Variants in TTC6 observed in about 807,000 individuals in gnomAD.
TTC6 encodes the protein tetratricopeptide repeat protein 6.
TTC6 carries 172 observed loss-of-function variants against 210.4 expected under a neutral mutation model. The ratio of observed to expected loss-of-function variants is 0.82; its 90% CI spans 0.72 to 0.93. The LOEUF (loss-of-function observed/expected upper bound fraction) is 0.93. Among genes scored for constraint, TTC6 ranks in the 40% least tolerant of loss-of-function variants. The pLI, the probability that TTC6 is intolerant of heterozygous loss-of-function variation, is 0.00. For missense variants in TTC6, 2,414 were observed against 2,318.1 expected (o/e 1.04, Z -0.85); for synonymous variants, 804 against 819.6 (o/e 0.98, Z 0.32).
chr14:37,606,732 A>G lies in TTC6; in HGVS notation c.-165A>G, dbSNP rs1029925079. On this transcript the variant is annotated 5_prime_UTR_variant, in exon 2 of 3. It removes an upstream start codon present in the reference 5' UTR. Transcript: ENST00000556845. ...GTGATGAGGAGAGGAACAAGGATTC[A>G]TGGAAGTGAGGTATGATGTCTTCAG... The G allele has an allele frequency of 1.2e-4, 119 of 985,100 alleles. No individual in the cohort carries two copies. The highest frequency in any genetic ancestry group is 1.4e-4 in the Non-Finnish European group (117 of 829,902). The allele number at this position is 985,100 out of a possible 1,614,324, so 61.0% of individuals were successfully genotyped here.
In TTC6 at chr14:37,821,772, C is replaced by CTTTTTTT. The variant is rs35078384; in HGVS notation, c.4764-1956_4764-1950dup. ...GAGAATGTCTCAGCTAAGAGCTAGT[C>CTTTTTTT]TTTTTTTTTTTTTTTTTTTTTTTTT... On this transcript the variant is annotated intron_variant, in intron 26 of 30. Transcript: ENST00000553443. Among the ~76,000 whole-genome samples the CTTTTTTT allele has an allele frequency of 1.3e-3, 91 of 69,148 alleles. 1 individual carries two copies. The highest frequency in any genetic ancestry group is 2.5e-3 in the African/African-American group (37 of 15,052). 45.4% of individuals were successfully genotyped at this position (69,148 alleles called of 152,430 possible).
At chr14:37,842,047 C>T in intron 30 of TTC6, 108 bp from the exon 33 acceptor site, 3 of 938,664 alleles carry the variant, frequency 3.2e-6, no homozygotes, top group Non-Finnish European at 4.5e-6. Flanking sequence ...TTGATTTCAT[C>T]CATTGAGTTA....
intron 1 of TTC6, among the ~76,000 whole-genome samples, chr14:37,642,280 G>A (rs1488351869): frequency 6.6e-6 from 1 of 152,192 alleles, no homozygotes; most frequent in Non-Finnish European, 1.5e-5. Context: ...GGTAGGAGCG[G>A]TGGGTGTGGA....
In TTC6 at chr14:37,714,764, C is replaced by T. The variant is rs141123588; in HGVS notation, c.1681C>T (p.His561Tyr). 13 of 1,535,494 alleles carry T rather than the reference C, an allele frequency of 8.5e-6. No homozygotes were observed. The African/African-American group carries it at 1.6e-4, about 19-fold the overall frequency. The change falls in exon 6 of 31, where the codon CAC becomes TAC. Residue 561 changes from histidine (H) to tyrosine (Y), a missense_variant. Physicochemically the swap from His to Tyr is moderately conservative, Grantham distance 83 (BLOSUM62 2). Transcript: ENST00000553443. ...GGCACAAGGAACTAGAGAGCGTGCT[C>T]ACAAACCACACTTGGAAGTCTTGGG...
In TTC6 at chr14:37,773,576, G is replaced by T. The variant is rs185801186; in HGVS notation, c.3267-13892G>T. ...AACATCAGATGGTTGTAGGTGTGTG[G>T]TATTATTTCTGGGCTTTTTATTCTG... is the stretch of plus-strand genomic sequence containing the variant. On this transcript the variant is annotated intron_variant, in intron 14 of 30. Coordinates refer to ENST00000553443, the Ensembl canonical transcript of TTC6. Among the ~76,000 whole-genome samples, 51 of 152,202 alleles carry T rather than the reference G, an allele frequency of 3.4e-4. 1 individual carries two copies. In the East Asian group the frequency reaches 7.5e-3, roughly 22 times the overall value.
chr14:37,601,293 A>AT (rs578202810), intron 1 of TTC6, among the ~76,000 whole-genome samples: 15 of 151,824 alleles, frequency 9.9e-5, no homozygotes, highest in East Asian at 9.7e-4. Context: ...TTTATTTTTC[A>AT]TTTTTTTTCT....
chr14:37,746,293 T>A (rs893738315), intron 10 of TTC6, among the ~76,000 whole-genome samples: 1 of 152,192 alleles, frequency 6.6e-6, no homozygotes. Context: ...CCCTCACTTA[T>A]GCATTCTCTG....
At chr14:37,791,742 CATG>C (rs1475285435) in intron 16 of TTC6, among the ~76,000 whole-genome samples, 2 of 152,094 alleles carry the variant, frequency 1.3e-5, no homozygotes, top group South Asian at 2.1e-4. Flanking sequence ...AGGCATCAAA[CATG>C]ATAATTTCTA....
At chr14:37,763,167 C>T (rs1238898301) in intron 14 of TTC6, among the ~76,000 whole-genome samples, 7 of 152,016 alleles carry the variant, frequency 4.6e-5, no homozygotes, top group Non-Finnish European at 7.4e-5. Context: ...GGATTACAGA[C>T]GTGAGCCACT....
intron 3 of TTC6, 143 bp from the exon 6 acceptor site, chr14:37,696,574 T>C (rs2095815240): frequency 5.0e-6 from 2 of 397,006 alleles, no homozygotes. Flanking sequence ...TAGAGGAAAC[T>C]ATCAATTTAC....
chr14:37,704,887 A>C (rs1382739255), intron 5 of TTC6, among the ~76,000 whole-genome samples: 3 of 152,158 alleles, frequency 2.0e-5, no homozygotes, highest in African/African-American at 7.2e-5. Flanking sequence ...GATAAGAAGA[A>C]CATATTTTAA....
At chr14:37,761,430 C>G (rs946553545) in intron 14 of TTC6, among the ~76,000 whole-genome samples, 2 of 152,016 alleles carry the variant, frequency 1.3e-5, no homozygotes, top group Non-Finnish European at 2.9e-5. Flanking sequence ...CAGACCAGAA[C>G]TCTTCCTATG....
At chr14:37,786,723 G>A (rs1260189052) in intron 14 of TTC6, among the ~76,000 whole-genome samples, 3 of 152,222 alleles carry the variant, frequency 2.0e-5, no homozygotes, top group South Asian at 2.1e-4. Flanking sequence ...TCGCTCACGC[G>A]GGGAGCTGTA....
rs1374502091 is a variant in TTC6 at position 37,629,033 on chromosome 14, G to A, written c.939+6030G>A. Among the ~76,000 whole-genome samples, 3 of 152,276 alleles carry A rather than the reference G, an allele frequency of 2.0e-5. No homozygotes were observed. The South Asian group carries it at 6.2e-4, about 32-fold the overall frequency. On this transcript the variant is annotated intron_variant, in intron 1 of 30. Transcript: ENST00000553443. Reference sequence around the variant, plus strand: ...GCTGTGTAGTATAGTTTGAAGTCAGGTAGCATGATGCCTCCAGCTTTATTC... The same window carrying A: ...GCTGTGTAGTATAGTTTGAAGTCAGATAGCATGATGCCTCCAGCTTTATTC...
chr14:37,672,821 A>ATTTTTTTTTTTTTT (rs377117749), intron 1 of TTC6, among the ~76,000 whole-genome samples: 15 of 128,990 alleles, frequency 1.2e-4, no homozygotes, highest in African/African-American at 4.6e-4. Context: ...TGAATTCCTC[A>ATTTTTTTTTTTTTT]TTTTTTTTTT....
chr14:37,797,297 C>T (rs1343116828), intron 20 of TTC6, among the ~76,000 whole-genome samples: 1 of 151,982 alleles, frequency 6.6e-6, no homozygotes, highest in East Asian at 1.9e-4. Flanking sequence ...TAGGTGTATT[C>T]CTGTTCCTGT....
At chr14:37,806,783 T>G (rs923546618) in intron 22 of TTC6, among the ~76,000 whole-genome samples, 6 of 152,224 alleles carry the variant, frequency 3.9e-5, no homozygotes, top group Non-Finnish European at 8.8e-5. Context: ...TATATACTCA[T>G]TAATTTTACT....
intron 14 of TTC6, among the ~76,000 whole-genome samples, chr14:37,779,544 T>A (rs1214082870): frequency 6.6e-6 from 1 of 152,202 alleles, no homozygotes; most frequent in Non-Finnish European, 1.5e-5. Flanking sequence ...GACTACTTTT[T>A]AAAAAATTGA....
intron 26 of TTC6, among the ~76,000 whole-genome samples, chr14:37,821,444 G>T (rs1371258207): frequency 2.0e-5 from 3 of 152,116 alleles, no homozygotes; most frequent in African/African-American, 7.2e-5. Flanking sequence ...TGAGGAAAGT[G>T]ACCTTGTGTT....
Sources: gnomAD v4.1 joint callset for allele counts (sites outside exome capture counted in the v4.1 genomes callset) on GRCh38, gnomAD v4.1.1 for gene constraint, MANE v1.5 for transcripts, NCBI Gene and HGNC (gene_info 2026-07-23, HGNC 2026-07-21) for gene names.